NRXN1: variants seen among roughly 807,000 people sequenced by gnomAD.
NRXN1 encodes the protein neurexin-1.
In NRXN1, 39 loss-of-function variants were observed where a neutral mutation model predicts 150.9. The ratio of observed to expected loss-of-function variants is 0.26; its 90% CI spans 0.20 to 0.34. NRXN1 has a LOEUF of 0.34. Ranked by LOEUF, NRXN1 falls within the 10% of genes least tolerant of loss-of-function variation. The pLI is 1.00. For missense variants in NRXN1, 1,815 were observed against 1,949.9 expected (o/e 0.93, Z 1.30); for synonymous variants, 924 against 757.0 (o/e 1.22, Z -3.62).
chr2:50,955,739 A>G (rs895127304), intron 2 of NRXN1, among the ~76,000 whole-genome samples: 2 of 152,184 alleles, frequency 1.3e-5, no homozygotes, highest in Non-Finnish European at 1.5e-5. Flanking sequence ...TACATTTCCC[A>G]AGAACATATT....
intron 17 of NRXN1, among the ~76,000 whole-genome samples, chr2:50,382,856 A>C (rs2081068487): frequency 6.6e-6 from 1 of 152,136 alleles, no homozygotes; most frequent in Admixed American, 6.6e-5. Context: ...TGCCCTGAAG[A>C]CCAGGCTAAC....
chr2:50,927,489 G>T (rs1158925718), intron 2 of NRXN1, among the ~76,000 whole-genome samples: 1 of 151,822 alleles, frequency 6.6e-6, no homozygotes, highest in Non-Finnish European at 1.5e-5. Flanking sequence ...TTTGTTTTTT[G>T]GACTGCCAAT....
chr2:50,720,350 A>C (rs1029849265), intron 5 of NRXN1, among the ~76,000 whole-genome samples: 1 of 152,154 alleles, frequency 6.6e-6, no homozygotes, highest in African/African-American at 2.4e-5. Context: ...GTAAGCTACA[A>C]ATCAGCCACA....
intron 5 of NRXN1, among the ~76,000 whole-genome samples, chr2:50,706,236 T>A (rs535011150): frequency 6.6e-6 from 1 of 152,312 alleles, no homozygotes; most frequent in Non-Finnish European, 1.5e-5. Flanking sequence ...GTAAGTGAAC[T>A]CTCAACAAAA....
intron 17 of NRXN1, among the ~76,000 whole-genome samples, chr2:50,331,964 A>AAT (rs2076865069): frequency 6.6e-6 from 1 of 152,198 alleles, no homozygotes; most frequent in Non-Finnish European, 1.5e-5. Context: ...AGAATCTTTA[A>AAT]AGGTACAACC....
At chr2:50,441,387 T>G (rs1176129955) in intron 17 of NRXN1, among the ~76,000 whole-genome samples, 1 of 152,202 alleles carries the variant, frequency 6.6e-6, no homozygotes, top group Non-Finnish European at 1.5e-5. Flanking sequence ...TAAGTAGAGA[T>G]ATATTTCTTG....
chr2:50,526,113 G>A (rs2092944950), intron 12 of NRXN1, among the ~76,000 whole-genome samples: 1 of 152,134 alleles, frequency 6.6e-6, no homozygotes, highest in Non-Finnish European at 1.5e-5. Flanking sequence ...ACTTGGCGGT[G>A]GGGTAGGGAA....
At chr2:50,148,677 C>T (rs1008371486) in intron 18 of NRXN1, among the ~76,000 whole-genome samples, 2 of 151,684 alleles carry the variant, frequency 1.3e-5, no homozygotes, top group Non-Finnish European at 3.0e-5. Context: ...TTCAGAATTG[C>T]AATCACAAAG....
intron 21 of NRXN1, among the ~76,000 whole-genome samples, chr2:50,047,558 C>T (rs1309831717): frequency 6.6e-6 from 1 of 152,006 alleles, no homozygotes; most frequent in African/African-American, 2.4e-5. Context: ...GGGTGCAGTC[C>T]TTCTGGGTCT....
rs369790823 is a variant in NRXN1, at chr2:50,495,894, C to T, written c.3070+11G>A. ...TGCAAGGCTCGTTGCTCTGACTTAA[C>T]ATGCACTTACTCTTGAGGTCTAAGT... On this transcript the variant is annotated intron_variant, in intron 15 of 22. Coordinates refer to ENST00000401669, the MANE Select transcript of NRXN1 (RefSeq NM_001330078.2). 3 of 1,579,814 alleles carry T rather than the reference C, an allele frequency of 1.9e-6. No homozygotes were observed. Among genetic ancestry groups the T allele is most frequent in the East Asian group, 2.2e-5 (1 of 44,528 alleles).
At chr2:50,431,883 G>A (rs6744418) in intron 17 of NRXN1, among the ~76,000 whole-genome samples, 3 of 151,730 alleles carry the variant, frequency 2.0e-5, no homozygotes, top group African/African-American at 7.3e-5. Flanking sequence ...GCTGTTCCCA[G>A]CACTTTCATA....
At chr2:50,348,506 C>T (rs1407772351) in intron 17 of NRXN1, among the ~76,000 whole-genome samples, 1 of 152,184 alleles carries the variant, frequency 6.6e-6, no homozygotes, top group African/African-American at 2.4e-5. Flanking sequence ...ATGATCTTTG[C>T]TAACAGTGGA....
intron 9 of NRXN1, among the ~76,000 whole-genome samples, chr2:50,550,615 C>G (rs1667300062): frequency 6.6e-6 from 1 of 151,606 alleles, no homozygotes; most frequent in South Asian, 2.1e-4. Context: ...GGGGAACACT[C>G]TATTATTATT....
intron 21 of NRXN1, among the ~76,000 whole-genome samples, chr2:50,015,486 T>C (rs1686423842): frequency 6.9e-6 from 1 of 144,136 alleles, no homozygotes; most frequent in South Asian, 2.2e-4. Flanking sequence ...CAGCCTGTCT[T>C]TGGCTAGAAA....
intron 21 of NRXN1, among the ~76,000 whole-genome samples, chr2:49,953,694 G>A (rs1001453700): frequency 7.9e-5 from 12 of 151,888 alleles, no homozygotes; most frequent in Admixed American, 7.2e-4. Flanking sequence ...ATTTATATAT[G>A]TAATTAATTG....
At chr2:50,690,413 C>T (rs1403879743) in intron 5 of NRXN1, among the ~76,000 whole-genome samples, 2 of 152,144 alleles carry the variant, frequency 1.3e-5, no homozygotes, top group African/African-American at 4.8e-5. Context: ...TCTTTATGTA[C>T]AGAATGAAAA....
At chr2:50,343,594 C>T (rs2077710752) in intron 17 of NRXN1, among the ~76,000 whole-genome samples, 1 of 152,214 alleles carries the variant, frequency 6.6e-6, no homozygotes, top group Non-Finnish European at 1.5e-5. Context: ...AAATCCTCAT[C>T]ATAATCTCTG....
chr2:50,387,737 C>T (rs537845185), intron 17 of NRXN1, among the ~76,000 whole-genome samples: 8 of 151,866 alleles, frequency 5.3e-5, no homozygotes, highest in African/African-American at 1.2e-4. Flanking sequence ...CTCTTAATGG[C>T]ATTTTCAAAA....
At chr2:50,275,595 T>C (rs1276125228) in intron 17 of NRXN1, among the ~76,000 whole-genome samples, 1 of 152,088 alleles carries the variant, frequency 6.6e-6, no homozygotes, top group Non-Finnish European at 1.5e-5. Context: ...AGATTTGGCT[T>C]CCCCACACAA....
Sources: allele counts gnomAD v4.1 joint callset (sites outside exome capture counted in the v4.1 genomes callset), GRCh38; gene constraint gnomAD v4.1.1; transcripts MANE v1.5; gene names NCBI Gene and HGNC (gene_info 2026-07-23, HGNC 2026-07-21).